NWD1: variants seen among roughly 807,000 people sequenced by gnomAD.
NWD1 encodes the protein NACHT and WD repeat domain containing 1, also known as NACHT domain- and WD repeat-containing protein 1.
In NWD1, 129 loss-of-function variants were observed where a neutral mutation model predicts 135.1. The observed-to-expected ratio is 0.96, with a 90% CI of 0.83 to 1.11. The LOEUF is 1.11. Ranked by LOEUF, NWD1 falls within the 50% of genes least tolerant of loss-of-function variation. NWD1 has a pLI of 0.00. For synonymous variants in NWD1, 773 were observed against 786.0 expected, an observed-to-expected ratio of 0.98 and a Z score of 0.28; for missense variants, 1,740 against 1,851.3, an observed-to-expected ratio of 0.94 and a Z score of 1.10.
intron 13 of NWD1, among the ~76,000 whole-genome samples, chr19:16,789,489 C>T (rs762100853): frequency 2.6e-5 from 4 of 152,050 alleles, no homozygotes; most frequent in East Asian, 3.9e-4. Context: ...TAAATTTTGA[C>T]GTGTGTTTTC....
At chr19:16,796,745 C>T (rs540085810) in intron 15 of NWD1, among the ~76,000 whole-genome samples, 16 of 152,008 alleles carry the variant, frequency 1.1e-4, no homozygotes, top group Non-Finnish European at 2.2e-4. Context: ...TCCTCCCTTC[C>T]TTCCATCATA....
In NWD1 at chr19:16,750,330, C is replaced by G. The variant is rs141300843; in HGVS notation, c.1688C>G (p.Thr563Arg). The part of the protein sequence containing the change: ...VPLATTAEEA[T>R]HQLCTRLEQT... ...CTGGCCACCACCGCAGAGGAAGCCACGCACCAACTCTGCACCCGCCTGGAG... is the reference window on the plus strand; with the variant it reads ...CTGGCCACCACCGCAGAGGAAGCCAGGCACCAACTCTGCACCCGCCTGGAG... Residue 563 changes from threonine (T) to arginine (R), a missense_variant, in exon 6 of 19, where the codon ACG (threonine) becomes AGG (arginine). Physicochemically the swap from Thr to Arg is moderately conservative, Grantham distance 71. Coordinates refer to ENST00000524140, the MANE Select transcript of NWD1 (RefSeq NM_001007525.5). The G allele has an allele frequency of 3.7e-6, 6 of 1,613,060 alleles. No individual in the cohort carries two copies.
intron 10 of NWD1, among the ~76,000 whole-genome samples, chr19:16,766,362 G>A (rs989399479): frequency 3.3e-5 from 5 of 151,914 alleles, no homozygotes; most frequent in East Asian, 1.9e-4. Flanking sequence ...TGATTGCTCC[G>A]CTGCATTCCA....
rs1443212515 is a variant in NWD1, at chr19:16,808,138, T to C, written c.4287+2T>C. 1.2e-6 allele frequency: 2 copies of C among 1,611,776 alleles called. No homozygotes were observed. Among genetic ancestry groups the C allele is most frequent in the African/African-American group, 2.7e-5 (2 of 74,848 alleles). Reference sequence around the variant, plus strand: ...TGGAAATTCGAGATGAGCTACACGGTGGGTGGCCCGCCTCCCCATGTTCAT... The same window carrying C: ...TGGAAATTCGAGATGAGCTACACGGCGGGTGGCCCGCCTCCCCATGTTCAT... On this transcript the variant is annotated splice_donor_variant, in intron 18 of 18. Coordinates refer to ENST00000524140, the MANE Select transcript of NWD1 (RefSeq NM_001007525.5). LOFTEE classifies it high-confidence loss of function.
intron 12 of NWD1, among the ~76,000 whole-genome samples, chr19:16,788,026 C>T (rs765827034): frequency 5.6e-5 from 8 of 142,774 alleles, no homozygotes; most frequent in South Asian, 2.2e-4. Flanking sequence ...GTCAGGAGTT[C>T]GAGACCAGCC....
intron 11 of NWD1, 103 bp downstream of exon 11, chr19:16,773,426 G>C: frequency 1.0e-6 from 1 of 968,870 alleles, no homozygotes; most frequent in Non-Finnish European, 1.5e-6. Context: ...CCCTGTGCTA[G>C]TTGGGAGGCC....
Position 16,749,690 on chromosome 19 carries a change from C to G in NWD1, c.1048C>G (p.Leu350Val). Residue 350 changes from leucine to valine, a missense_variant, in exon 6 of 19, where the codon CTG becomes GTG. Leu to Val is a conservative substitution (Grantham distance 32). Coordinates refer to ENST00000524140, the MANE Select transcript of NWD1 (RefSeq NM_001007525.5). ...FGPPGIGKTA[L>V]MCKLAEQMPR... Reference sequence around the variant, plus strand: ...GCCCCCAGGCATTGGAAAGACAGCCCTGATGTGCAAGCTGGCTGAGCAGAT... The same window carrying G: ...GCCCCCAGGCATTGGAAAGACAGCCGTGATGTGCAAGCTGGCTGAGCAGAT... 6.2e-7 allele frequency: 1 copy of G among 1,602,182 alleles called. No homozygotes were observed. Among genetic ancestry groups the G allele is most frequent in the Non-Finnish European group, 8.5e-7 (1 of 1,173,042 alleles).
intron 3 of NWD1, among the ~76,000 whole-genome samples, chr19:16,732,132 G>A (rs894109333): frequency 4.0e-5 from 6 of 150,710 alleles, no homozygotes; most frequent in South Asian, 2.1e-4. Context: ...CAGGAGAATC[G>A]CCAGAACTTG....
intron 11 of NWD1, among the ~76,000 whole-genome samples, chr19:16,776,107 T>A (rs979523448): frequency 6.6e-6 from 1 of 152,212 alleles, no homozygotes; most frequent in Non-Finnish European, 1.5e-5. Context: ...TAATGATGTC[T>A]GTCATGGCAC....
chr19:16,807,539 G>T, intron 17 of NWD1, 47 bp from the exon 18 acceptor site: 1 of 1,439,690 alleles, frequency 6.9e-7, no homozygotes, highest in Non-Finnish European at 9.4e-7. Context: ...CAGGGCTGCT[G>T]TGATTCACTC....
chr19:16,792,239 T>G (rs1478184343), intron 14 of NWD1, among the ~76,000 whole-genome samples: 2 of 152,082 alleles, frequency 1.3e-5, no homozygotes, highest in African/African-American at 4.8e-5. Context: ...GCTGCTTTCA[T>G]GGACATTAAC....
intron 5 of NWD1, among the ~76,000 whole-genome samples, chr19:16,746,362 A>T (rs1017382027): frequency 3.3e-5 from 5 of 149,848 alleles, no homozygotes; most frequent in African/African-American, 1.2e-4. Context: ...CCCGTATCAA[A>T]CAAACAAACA....
chr19:16,786,938 T>C (rs964109595), intron 12 of NWD1, among the ~76,000 whole-genome samples: 6 of 152,166 alleles, frequency 3.9e-5, no homozygotes. Context: ...TTTTTGTTTA[T>C]TAAGCAGAAT....
Position 16,750,099 on chromosome 19 carries a change from C to G in NWD1, c.1457C>G (p.Pro486Arg). 6.2e-7 allele frequency: 1 copy of G among 1,614,006 alleles called. No individual in the cohort carries two copies. The highest frequency in any genetic ancestry group is 8.5e-7 in the Non-Finnish European group (1 of 1,180,008). Residue 486 changes from proline (P) to arginine (R), a missense_variant, in exon 6 of 19, where the codon CCG (proline) becomes CGG (arginine). Transcript: ENST00000524140. ...ACCTTGCAGCGGGTGCTCCTGGACC[C>G]GGAGGCCTACTGGGAGGTGAAGCCC... Reference protein sequence around the residue: ...LDTLQRVLLDPEAYWEVKPLS... With the variant: ...LDTLQRVLLDREAYWEVKPLS...
At chr19:16,779,593 A>G in intron 12 of NWD1, 128 bp downstream of exon 12, 2 of 831,682 alleles carry the variant, frequency 2.4e-6, no homozygotes, top group Non-Finnish European at 3.9e-6. Context: ...ACTTAGCTAT[A>G]GTTGCATAAT....
At chr19:16,780,866 T>C (rs1363331708) in intron 12 of NWD1, among the ~76,000 whole-genome samples, 1 of 152,042 alleles carries the variant, frequency 6.6e-6, no homozygotes, top group East Asian at 1.9e-4. Flanking sequence ...ACTATGTTGC[T>C]GAGGCTGGTC....
chr19:16,783,831 T>C (rs1263215052), intron 12 of NWD1, among the ~76,000 whole-genome samples: 1 of 152,132 alleles, frequency 6.6e-6, no homozygotes, highest in Non-Finnish European at 1.5e-5. Context: ...TTTATTGTCA[T>C]TGTCCCCCAA....
intron 4 of NWD1, among the ~76,000 whole-genome samples, chr19:16,738,555 G>A (rs1355402527): frequency 3.0e-5 from 4 of 135,154 alleles, no homozygotes; most frequent in East Asian, 2.0e-4. Flanking sequence ...CGCAACAGAC[G>A]GAGACTCTGT....
Position 16,798,903 on chromosome 19 carries a change from G to A in NWD1, c.3460-983G>A, listed in dbSNP as rs192013727. 7.9e-3 allele frequency among the ~76,000 whole-genome samples: 1,201 copies of A among 152,044 alleles called. 14 individuals carry two copies. Among genetic ancestry groups the A allele is most frequent in the African/African-American group, 0.028 (1,154 of 41,472 alleles). ...GGCCTCCCAAAGTGCTGGGATTACAGGCGTGAGCCACCATGTCTGGCTAGA... is the reference window on the plus strand; with the variant it reads ...GGCCTCCCAAAGTGCTGGGATTACAAGCGTGAGCCACCATGTCTGGCTAGA... On this transcript the variant is annotated intron_variant, in intron 16 of 18. Coordinates refer to ENST00000524140, the MANE Select transcript of NWD1 (RefSeq NM_001007525.5).
Sources: allele counts gnomAD v4.1 joint callset (sites outside exome capture counted in the v4.1 genomes callset), GRCh38; gene constraint gnomAD v4.1.1; transcripts MANE v1.5; gene names NCBI Gene and HGNC (gene_info 2026-07-23, HGNC 2026-07-21).